Variants in TTLL5 observed in about 807,000 individuals in gnomAD.
TTLL5 encodes the protein tubulin polyglutamylase TTLL5.
In TTLL5, 132 loss-of-function variants were observed where a neutral mutation model predicts 168.4. That is an observed-to-expected ratio of 0.78 (90% CI 0.68 to 0.91). The LOEUF (loss-of-function observed/expected upper bound fraction) is 0.91. TTLL5 is among the 40% of genes least tolerant of loss of function. The probability of loss-of-function intolerance (pLI) is 0.00; values close to 1 mark genes in which losing one functional copy is unlikely to be tolerated. For synonymous variants in TTLL5, 546 were observed against 558.6 expected (o/e 0.98, Z 0.32); for missense variants, 1,545 against 1,581.5 (o/e 0.98, Z 0.39).
At chr14:75,840,367 G>A (rs903659192) in intron 28 of TTLL5, among the ~76,000 whole-genome samples, 2 of 152,064 alleles carry the variant, frequency 1.3e-5, no homozygotes, top group African/African-American at 4.8e-5. Context: ...CATGCATTAG[G>A]TATTACTCCT....
chr14:75,891,470 C>T (rs1207312935), intron 30 of TTLL5, among the ~76,000 whole-genome samples: 1 of 152,234 alleles, frequency 6.6e-6, no homozygotes, highest in Non-Finnish European at 1.5e-5. Context: ...TTGCCCTAGA[C>T]AGCAGTGTCC....
intron 28 of TTLL5, among the ~76,000 whole-genome samples, chr14:75,853,083 C>A (rs74550108): frequency 7.9e-5 from 12 of 152,236 alleles, no homozygotes; most frequent in Non-Finnish European, 1.5e-4. Flanking sequence ...ACTATTATGA[C>A]CCTTGACTCT....
In TTLL5 at chr14:75,663,202, A is replaced by G. The variant is rs776534405; in HGVS notation, c.53A>G (p.Asp18Gly). Residue 18 changes from aspartate to glycine, a missense_variant, in exon 2 of 32, where the codon GAT (aspartate) becomes GGT (glycine). Transcript: ENST00000298832. ...GAGGAAACAGCATCATCCTCAGAGG[A>G]TGAGGAGGTCATAAGTCAAGAGTAA... ...DLEETASSSE[D>G]EEVISQEDHP... is the part of the protein sequence containing the mutation. 50 of 1,613,192 alleles carry G rather than the reference A, an allele frequency of 3.1e-5. No homozygotes were observed. Among genetic ancestry groups the G allele is most frequent in the Non-Finnish European group, 4.2e-5 (50 of 1,179,752 alleles).
intron 31 of TTLL5, among the ~76,000 whole-genome samples, chr14:75,943,102 G>C (rs560985732): frequency 6.6e-6 from 1 of 152,140 alleles, no homozygotes; most frequent in African/African-American, 2.4e-5. Context: ...AGGCGGTGTC[G>C]GGGAAGAGCT....
At chr14:75,803,480 A>C (rs1893451331) in intron 27 of TTLL5, among the ~76,000 whole-genome samples, 1 of 152,232 alleles carries the variant, frequency 6.6e-6, no homozygotes, top group African/African-American at 2.4e-5. Context: ...CACTTCAAAA[A>C]ATCTGTGCAA....
At chr14:75,667,557 C>G (rs939437380) in intron 2 of TTLL5, among the ~76,000 whole-genome samples, 1 of 152,134 alleles carries the variant, frequency 6.6e-6, no homozygotes, top group Non-Finnish European at 1.5e-5. Context: ...CAAGTGGGTA[C>G]TGTCACCAAG....
At chr14:75,735,148 A>G in intron 14 of TTLL5, 47 bp from the exon 15 acceptor site, 1 of 1,573,372 alleles carries the variant, frequency 6.4e-7, no homozygotes, top group Non-Finnish European at 8.8e-7. Flanking sequence ...AGACCTGCTA[A>G]TTTCTTAGAA....
chr14:75,935,460 A>G (rs940237683), intron 31 of TTLL5, among the ~76,000 whole-genome samples: 5 of 152,218 alleles, frequency 3.3e-5, no homozygotes, highest in African/African-American at 7.2e-5. Flanking sequence ...TCCAGGCTGC[A>G]TGACAACAAG....
In TTLL5 at chr14:75,793,006, A is replaced by C; in HGVS notation, c.3077A>C (p.Gln1026Pro). 5.0e-6 allele frequency: 8 copies of C among 1,613,954 alleles called. No individual in the cohort carries two copies. Among genetic ancestry groups the C allele is most frequent in the Non-Finnish European group, 6.8e-6 (8 of 1,179,848 alleles). ...DASLYSKRYN[Q>P]SMVTAELQRL... is the part of the protein sequence containing the mutation. ...TCTTTATATAGCAAACGGTACAACC[A>C]AAGTATGGTTACAGCTGAACTTCAG... is the stretch of plus-strand genomic sequence containing the variant. The change falls in exon 27 of 32, where the codon CAA (glutamine) becomes CCA (proline). Residue 1026 changes from glutamine (Q) to proline (P), a missense_variant. By Grantham distance (76) the Gln-to-Pro change is moderately conservative (BLOSUM62 -1). Transcript: ENST00000298832.
chr14:75,934,213 T>G (rs2034365635), intron 31 of TTLL5, among the ~76,000 whole-genome samples: 1 of 152,182 alleles, frequency 6.6e-6, no homozygotes, highest in Non-Finnish European at 1.5e-5. Flanking sequence ...TTGTTAGAAG[T>G]GATTCCAGTG....
intron 15 of TTLL5, among the ~76,000 whole-genome samples, chr14:75,743,794 G>A (rs184516635): frequency 1.3e-5 from 2 of 151,946 alleles, no homozygotes; most frequent in East Asian, 3.9e-4. Context: ...TGTTAGCCAG[G>A]ATGGTCTCAA....
intron 29 of TTLL5, among the ~76,000 whole-genome samples, chr14:75,873,623 A>T (rs1247327253): frequency 6.6e-6 from 1 of 152,056 alleles, no homozygotes; most frequent in Non-Finnish European, 1.5e-5. Flanking sequence ...TTGTGTGTGT[A>T]TACACATATA....
rs1380366204 is a variant in TTLL5, at chr14:75,889,101, A to C, written c.3740+6199A>C. Among the ~76,000 whole-genome samples the C allele has an allele frequency of 2.6e-5, 4 of 152,226 alleles. No individual in the cohort carries two copies. The East Asian group carries it at 7.7e-4, about 29-fold the overall frequency. Reference sequence around the variant, plus strand: ...GAGAACTAGACAAAGCTATCATATAAAAGGAGCAAGGGGCCTGCAGTCAGG... The same window carrying C: ...GAGAACTAGACAAAGCTATCATATACAAGGAGCAAGGGGCCTGCAGTCAGG... On this transcript the variant is annotated intron_variant, in intron 30 of 31. Transcript: ENST00000298832.
intron 30 of TTLL5, among the ~76,000 whole-genome samples, chr14:75,885,598 A>G (rs780696242): frequency 1.1e-4 from 17 of 152,268 alleles, no homozygotes; most frequent in Admixed American, 2.0e-4. Flanking sequence ...GCACATTACT[A>G]TGAACTAAAC....
chr14:75,756,370 A>G (rs1890261957), intron 18 of TTLL5, among the ~76,000 whole-genome samples: 1 of 152,216 alleles, frequency 6.6e-6, no homozygotes, highest in Non-Finnish European at 1.5e-5. Flanking sequence ...GGGTAGTTAT[A>G]AAAGGGCAAC....
intron 27 of TTLL5, among the ~76,000 whole-genome samples, chr14:75,812,308 T>A (rs2140394526): frequency 6.6e-6 from 1 of 152,198 alleles, no homozygotes; most frequent in South Asian, 2.1e-4. Context: ...GGAGGTAGGA[T>A]CTTGTGACCA....
intron 3 of TTLL5, among the ~76,000 whole-genome samples, chr14:75,671,352 C>A (rs1371894742): frequency 1.3e-5 from 2 of 152,088 alleles, no homozygotes; most frequent in Admixed American, 1.3e-4. Flanking sequence ...TAATATAGTT[C>A]TTTTTCAAGA....
chr14:75,783,757 A>T (rs1481855734), intron 26 of TTLL5, among the ~76,000 whole-genome samples: 1 of 152,232 alleles, frequency 6.6e-6, no homozygotes, highest in Non-Finnish European at 1.5e-5. Context: ...AGATAAAGAG[A>T]TGAATCTGAC....
intron 29 of TTLL5, among the ~76,000 whole-genome samples, chr14:75,866,164 G>T (rs117972151): frequency 0.021 from 3,213 of 152,246 alleles, 103 homozygotes; most frequent in Non-Finnish European, 0.023. Flanking sequence ...ATTTTAGAGG[G>T]TACTTAGAAT....
Sources: gnomAD v4.1 joint callset for allele counts (sites outside exome capture counted in the v4.1 genomes callset) on GRCh38, gnomAD v4.1.1 for gene constraint, MANE v1.5 for transcripts, NCBI Gene and HGNC (gene_info 2026-07-23, HGNC 2026-07-21) for gene names.